The following ZDHHC14 variants were observed in gnomAD, a reference collection of about 807,000 sequenced individuals.
ZDHHC14 encodes the protein zDHHC palmitoyltransferase 14, also known as palmitoyltransferase ZDHHC14.
ZDHHC14 carries 16 observed loss-of-function variants against 47.7 expected under a neutral mutation model. The observed-to-expected ratio is 0.34, with a 90% CI of 0.23 to 0.51. The LOEUF is 0.51. Among genes scored for constraint, ZDHHC14 ranks in the 20% least tolerant of loss-of-function variants. The probability of loss-of-function intolerance (pLI) is 0.97; values close to 1 mark genes in which losing one functional copy is unlikely to be tolerated. For missense variants in ZDHHC14, 515 were observed against 662.5 expected (o/e 0.78, Z 2.44); for synonymous variants, 293 against 278.9 (o/e 1.05, Z -0.50).
At chr6:157,560,115 C>G (rs1278824938) in intron 2 of ZDHHC14, among the ~76,000 whole-genome samples, 1 of 152,236 alleles carries the variant, frequency 6.6e-6, no homozygotes, top group Non-Finnish European at 1.5e-5. Flanking sequence ...CAACTCAGCT[C>G]TAAAGCCAAT....
intron 1 of ZDHHC14, among the ~76,000 whole-genome samples, chr6:157,409,216 C>G (rs112858228): frequency 0.022 from 3,321 of 152,306 alleles, 134 homozygotes; most frequent in African/African-American, 0.076. Context: ...GAACAACTAG[C>G]ACTTTCTGCT....
At chr6:157,633,842 G>A (rs1468764106) in intron 5 of ZDHHC14, among the ~76,000 whole-genome samples, 3 of 152,016 alleles carry the variant, frequency 2.0e-5, no homozygotes, top group East Asian at 3.9e-4. Context: ...TAGTAGAGAC[G>A]GGGTTTCACC....
At chr6:157,457,298 A>G (rs1236306306) in intron 1 of ZDHHC14, among the ~76,000 whole-genome samples, 3 of 152,036 alleles carry the variant, frequency 2.0e-5, no homozygotes, top group Non-Finnish European at 4.4e-5. Flanking sequence ...TGGGAACTTC[A>G]TTTGTTTGGC....
intron 8 of ZDHHC14, among the ~76,000 whole-genome samples, chr6:157,659,344 G>A (rs1345279398): frequency 6.6e-6 from 1 of 152,242 alleles, no homozygotes; most frequent in Non-Finnish European, 1.5e-5. Context: ...AGCAGAGCGA[G>A]TTCCAGCGTG....
At position 157,444,099 on chromosome 6, in the gene ZDHHC14, G is replaced by A. The variant is rs146137068; in HGVS notation, c.245+61833G>A. On this transcript the variant is annotated intron_variant, in intron 1 of 8. Transcript: ENST00000359775. ...TCATGAGCAGGAGGTTAAGGAACTTGCCCAAAGTCAAACAGTAATCGTGAT... is the reference window on the plus strand; with the variant it reads ...TCATGAGCAGGAGGTTAAGGAACTTACCCAAAGTCAAACAGTAATCGTGAT... 8.5e-5 allele frequency among the ~76,000 whole-genome samples: 13 copies of A among 152,270 alleles called. No homozygotes were observed. In the East Asian group the frequency reaches 2.3e-3, roughly 27 times the overall value.
At chr6:157,592,201 T>A (rs1452936520) in intron 2 of ZDHHC14, among the ~76,000 whole-genome samples, 1 of 151,958 alleles carries the variant, frequency 6.6e-6, no homozygotes, top group Non-Finnish European at 1.5e-5. Flanking sequence ...TCCCATGTGA[T>A]CCTAATGTGA....
chr6:157,580,581 G>C (rs1783474942), intron 2 of ZDHHC14, among the ~76,000 whole-genome samples: 2 of 152,192 alleles, frequency 1.3e-5, no homozygotes, highest in South Asian at 2.1e-4. Context: ...TTACTAATCT[G>C]TTCAGGGATT....
At chr6:157,413,582 T>C (rs1213438436) in intron 1 of ZDHHC14, among the ~76,000 whole-genome samples, 1 of 152,034 alleles carries the variant, frequency 6.6e-6, no homozygotes, top group East Asian at 1.9e-4. Context: ...CTTTTCTTCC[T>C]TCCTTTCTTT....
chr6:157,540,908 G>GTA (rs1200618040), intron 1 of ZDHHC14, among the ~76,000 whole-genome samples: 38 of 131,532 alleles, frequency 2.9e-4, no homozygotes, highest in Non-Finnish European at 4.1e-4. Context: ...GTGTGTGTGT[G>GTA]TGTATATATA....
intron 1 of ZDHHC14, among the ~76,000 whole-genome samples, chr6:157,521,540 C>A (rs528697171): frequency 6.6e-6 from 1 of 152,232 alleles, no homozygotes; most frequent in African/African-American, 2.4e-5. Context: ...TCAAAGATGG[C>A]ACCTTCTAGC....
intron 3 of ZDHHC14, among the ~76,000 whole-genome samples, chr6:157,594,232 T>C (rs751469544): frequency 1.3e-4 from 20 of 152,336 alleles, no homozygotes; most frequent in Non-Finnish European, 2.4e-4. Context: ...TACCCTAACT[T>C]TAATAATCTA....
At chr6:157,448,011 A>G (rs746481431) in intron 1 of ZDHHC14, among the ~76,000 whole-genome samples, 56 of 152,058 alleles carry the variant, frequency 3.7e-4, no homozygotes, top group Non-Finnish European at 7.4e-4. Context: ...AGCTAGGACT[A>G]CAGGCCCGCA....
chr6:157,393,064 A>G (rs1161241328), intron 1 of ZDHHC14, among the ~76,000 whole-genome samples: 1 of 151,994 alleles, frequency 6.6e-6, no homozygotes, highest in Non-Finnish European at 1.5e-5. Flanking sequence ...TTTTTAGTAG[A>G]GACAGGGTTT....
chr6:157,630,168 T>G (rs760290101), intron 4 of ZDHHC14: 2 of 151,726 alleles, frequency 1.3e-5, no homozygotes, highest in Non-Finnish European at 2.9e-5. Flanking sequence ...TTAGTAGAGA[T>G]AGGGTTTCAC....
chr6:157,392,360 AT>A lies in ZDHHC14; in HGVS notation c.245+10102del, dbSNP rs200510379. ...TTTTCTTGATTTTAAAAGAAAGTTAATTTTTTTTCTTTTTCTTTATCCTTTG... is the reference window on the plus strand; with the variant it reads ...TTTTCTTGATTTTAAAAGAAAGTTAATTTTTTTCTTTTTCTTTATCCTTTG... On this transcript the variant is annotated intron_variant, in intron 1 of 8. Coordinates refer to ENST00000359775, the MANE Select transcript of ZDHHC14 (RefSeq NM_024630.3). Among the ~76,000 whole-genome samples the A allele has an allele frequency of 8.6e-3, 1,313 of 151,870 alleles. 26 individuals carry two copies. The highest frequency in any genetic ancestry group is 0.03 in the African/African-American group (1,223 of 41,432).
chr6:157,428,694 A>G (rs554393561), intron 1 of ZDHHC14, among the ~76,000 whole-genome samples: 84 of 140,022 alleles, frequency 6.0e-4, no homozygotes, highest in African/African-American at 2.1e-3. Flanking sequence ...TTATGTGCTC[A>G]CTAGCAACCT....
intron 2 of ZDHHC14, among the ~76,000 whole-genome samples, chr6:157,557,510 A>G (rs560575466): frequency 6.6e-6 from 1 of 152,338 alleles, no homozygotes; most frequent in East Asian, 1.9e-4. Context: ...CACATTCGGC[A>G]GAGGTGAGTC....
chr6:157,670,397 GA>G (rs1299516934), intron 8 of ZDHHC14, among the ~76,000 whole-genome samples: 1 of 152,184 alleles, frequency 6.6e-6, no homozygotes, highest in African/African-American at 2.4e-5. Flanking sequence ...GGGCTCAAAT[GA>G]TTCTCCTACC....
chr6:157,598,485 C>T (rs188156144), intron 3 of ZDHHC14, among the ~76,000 whole-genome samples: 18 of 152,070 alleles, frequency 1.2e-4, no homozygotes, highest in Non-Finnish European at 2.2e-4. Flanking sequence ...TGAGCCAGTC[C>T]CCAGGGATCA....
Sources: gnomAD v4.1 joint callset for allele counts (sites outside exome capture counted in the v4.1 genomes callset) on GRCh38, gnomAD v4.1.1 for gene constraint, MANE v1.5 for transcripts, NCBI Gene and HGNC (gene_info 2026-07-23, HGNC 2026-07-21) for gene names.